Variants in PTPN1 observed in about 807,000 individuals in gnomAD.
PTPN1 encodes the protein protein tyrosine phosphatase non-receptor type 1.
In PTPN1, 12 loss-of-function variants were observed where a neutral mutation model predicts 59.9. The observed-to-expected ratio is 0.20, with a 90% CI of 0.13 to 0.32. The LOEUF is 0.32. PTPN1 is among the 10% of genes least tolerant of loss of function. The pLI, the probability that PTPN1 is intolerant of heterozygous loss-of-function variation, is 1.00. For missense variants in PTPN1, 356 were observed against 549.2 expected (o/e 0.65, Z 3.52); for synonymous variants, 178 against 203.6 (o/e 0.87, Z 1.07).
chr20:50,535,464 T>C (rs1373297567), intron 1 of PTPN1, among the ~76,000 whole-genome samples: 6 of 152,130 alleles, frequency 3.9e-5, no homozygotes, highest in African/African-American at 1.4e-4. Flanking sequence ...CCCCTCTTTT[T>C]TGTAGTATGG....
intron 1 of PTPN1, among the ~76,000 whole-genome samples, chr20:50,544,516 T>C (rs2082666487): frequency 6.6e-6 from 1 of 151,674 alleles, no homozygotes; most frequent in Non-Finnish European, 1.5e-5. Flanking sequence ...AGATAAAGAG[T>C]TGATGGTTTT....
intron 1 of PTPN1, among the ~76,000 whole-genome samples, chr20:50,559,030 A>ATTTTT (rs35277786): frequency 1.5e-4 from 18 of 119,448 alleles, no homozygotes; most frequent in African/African-American, 5.3e-4. Flanking sequence ...ACGTCAGGGA[A>ATTTTT]TTTTTTTTTT....
intron 5 of PTPN1, chr20:50,578,028 C>G (rs1371088257): frequency 5.9e-6 from 1 of 168,558 alleles, no homozygotes; most frequent in South Asian, 1.5e-4. Flanking sequence ...CCTGCTGTTC[C>G]TTGTTCACTT....
At chr20:50,544,837 T>G (rs568254493) in intron 1 of PTPN1, among the ~76,000 whole-genome samples, 1 of 152,270 alleles carries the variant, frequency 6.6e-6, no homozygotes, top group East Asian at 1.9e-4. Context: ...AAACCCCGTC[T>G]CTACTAAAAC....
At chr20:50,576,161 C>T (rs1285126208) in intron 5 of PTPN1, among the ~76,000 whole-genome samples, 1 of 152,108 alleles carries the variant, frequency 6.6e-6, no homozygotes. Flanking sequence ...GGAAGATTCT[C>T]AGGAGTAACA....
intron 1 of PTPN1, among the ~76,000 whole-genome samples, chr20:50,558,589 G>T (rs913481757): frequency 6.6e-6 from 1 of 152,098 alleles, no homozygotes; most frequent in Non-Finnish European, 1.5e-5. Flanking sequence ...CATTCTCCAT[G>T]TATCTGGGTG....
chr20:50,519,748 C>T (rs2082543342), intron 1 of PTPN1, among the ~76,000 whole-genome samples: 2 of 152,118 alleles, frequency 1.3e-5, no homozygotes, highest in Admixed American at 1.3e-4. Flanking sequence ...GTTTATGTGC[C>T]AGGGTCCATG....
At chr20:50,572,413 A>G (rs1466751371) in intron 4 of PTPN1, 1 of 152,262 alleles carries the variant, frequency 6.6e-6, no homozygotes, top group African/African-American at 2.4e-5. Context: ...GAGAGTCCTT[A>G]AAAATAAATA....
intron 1 of PTPN1, among the ~76,000 whole-genome samples, chr20:50,520,678 G>A: frequency 6.6e-6 from 1 of 152,168 alleles, no homozygotes; most frequent in East Asian, 1.9e-4. Flanking sequence ...CAGAACAGTT[G>A]TGTTTCAGAG....
rs144779066 is a variant in PTPN1, at chr20:50,528,338, T to C, written c.63+17748T>C. ...TACTTACCTATTGCCAAGTAATCTA[T>C]CAAGTCTTATAAAGGGCGGGGCTGC... On this transcript the variant is annotated intron_variant, in intron 1 of 9. Coordinates refer to ENST00000371621, the MANE Select transcript of PTPN1 (RefSeq NM_002827.4). 4.1e-4 allele frequency among the ~76,000 whole-genome samples: 62 copies of C among 152,282 alleles called. No homozygotes were observed. The East Asian group carries it at 7.5e-3, about 18-fold the overall frequency.
chr20:50,545,923 A>G (rs1352638471), intron 1 of PTPN1, among the ~76,000 whole-genome samples: 1 of 150,220 alleles, frequency 6.7e-6, no homozygotes, highest in Non-Finnish European at 1.5e-5. Flanking sequence ...CTGTAGTCTC[A>G]GCTACCCAGT....
At chr20:50,534,100 T>C (rs2082613559) in intron 1 of PTPN1, among the ~76,000 whole-genome samples, 1 of 152,090 alleles carries the variant, frequency 6.6e-6, no homozygotes, top group African/African-American at 2.4e-5. Context: ...CCAGACTGAT[T>C]TTTGTATTAG....
chr20:50,521,800 A>G (rs1048306210), intron 1 of PTPN1, among the ~76,000 whole-genome samples: 1 of 152,236 alleles, frequency 6.6e-6, no homozygotes, highest in Non-Finnish European at 1.5e-5. Flanking sequence ...CTCTTGAAAA[A>G]TCTGAAAATC....
rs1331484529 is a variant in PTPN1, at chr20:50,524,662, C to T, written c.63+14072C>T. ...CGCAATCTCGACTCACTGCAACCTC[C>T]GCCTCCCGGGTTCAAGCGATTCTGC... is the stretch of plus-strand genomic sequence containing the variant. On this transcript the variant is annotated intron_variant, in intron 1 of 9. Coordinates refer to ENST00000371621, the MANE Select transcript of PTPN1 (RefSeq NM_002827.4). 4.8e-5 allele frequency among the ~76,000 whole-genome samples: 7 copies of T among 145,922 alleles called. No homozygotes were observed. In the East Asian group the frequency reaches 8.1e-4, roughly 17 times the overall value.
intron 1 of PTPN1, among the ~76,000 whole-genome samples, chr20:50,541,837 G>A (rs973545126): frequency 1.3e-5 from 2 of 152,232 alleles, no homozygotes; most frequent in East Asian, 1.9e-4. Flanking sequence ...AACCAAAGTC[G>A]GCAAGGAGAG....
chr20:50,517,173 TG>T (rs1278279927), intron 1 of PTPN1, among the ~76,000 whole-genome samples: 1 of 152,254 alleles, frequency 6.6e-6, no homozygotes, highest in African/African-American at 2.4e-5. Context: ...TATTGATCTC[TG>T]GGCTTTGGTA....
At chr20:50,559,464 A>G (rs1467487386) in intron 1 of PTPN1, among the ~76,000 whole-genome samples, 2 of 152,160 alleles carry the variant, frequency 1.3e-5, no homozygotes, top group African/African-American at 4.8e-5. Flanking sequence ...TTTTCTTCCC[A>G]GAAACTTACA....
chr20:50,553,278 C>T (rs952079432), intron 1 of PTPN1, among the ~76,000 whole-genome samples: 4 of 152,104 alleles, frequency 2.6e-5, no homozygotes, highest in Non-Finnish European at 2.9e-5. Context: ...AAGGGATGAG[C>T]GCTAGGATGA....
intron 1 of PTPN1, among the ~76,000 whole-genome samples, chr20:50,549,327 A>G (rs797018452): frequency 9.2e-5 from 14 of 152,210 alleles, no homozygotes; most frequent in African/African-American, 3.1e-4. Flanking sequence ...GAAGGTCTCC[A>G]TGCCAGTTTC....
Sources: gnomAD v4.1 joint callset for allele counts (sites outside exome capture counted in the v4.1 genomes callset) on GRCh38, gnomAD v4.1.1 for gene constraint, MANE v1.5 for transcripts, NCBI Gene and HGNC (gene_info 2026-07-23, HGNC 2026-07-21) for gene names.